Variants in CSMD1 observed in about 807,000 individuals in gnomAD.
The protein encoded by CSMD1 is CUB and sushi domain-containing protein 1.
A neutral mutation model predicts 417.5 loss-of-function variants in CSMD1; 213 were observed. The ratio of observed to expected loss-of-function variants is 0.51; its 90% CI spans 0.46 to 0.57. The LOEUF (loss-of-function observed/expected upper bound fraction) is 0.57, where lower values mean the gene tolerates loss of function less well. Among genes scored for constraint, CSMD1 ranks in the 20% least tolerant of loss-of-function variants. The pLI is 0.00. For missense variants in CSMD1, 6,923 were observed against 4,529.7 expected (o/e 1.53, Z -15.17); for synonymous variants, 2,862 against 1,736.8 (o/e 1.65, Z -16.11).
intron 7 of CSMD1, among the ~76,000 whole-genome samples, chr8:3,644,629 C>T (rs1481595174): frequency 6.6e-6 from 1 of 152,074 alleles, no homozygotes; most frequent in Non-Finnish European, 1.5e-5. Context: ...CTGTGCCAGA[C>T]CCCTATTACC....
chr8:4,112,384 A>G (rs190153866), intron 3 of CSMD1, among the ~76,000 whole-genome samples: 69 of 152,296 alleles, frequency 4.5e-4, no homozygotes, highest in African/African-American at 1.6e-3. Flanking sequence ...TCCAGGAAGA[A>G]AATGCCCTGA....
intron 20 of CSMD1, among the ~76,000 whole-genome samples, chr8:3,360,108 A>G (rs1451353468): frequency 1.3e-5 from 2 of 152,226 alleles, no homozygotes; most frequent in African/African-American, 2.4e-5. Flanking sequence ...TTTTGCCTCT[A>G]GAATATACCT....
chr8:4,028,564 G>A (rs778885593), intron 4 of CSMD1, among the ~76,000 whole-genome samples: 3 of 152,146 alleles, frequency 2.0e-5, no homozygotes, highest in Admixed American at 6.5e-5. Flanking sequence ...AAAGCATACT[G>A]AAGGAAATAA....
chr8:3,651,596 T>C (rs999124667), intron 7 of CSMD1, among the ~76,000 whole-genome samples: 16 of 152,120 alleles, frequency 1.1e-4, no homozygotes, highest in Non-Finnish European at 2.4e-4. Context: ...GAATAGCCCC[T>C]GCCCCCCTGC....
intron 2 of CSMD1, among the ~76,000 whole-genome samples, chr8:4,544,974 T>C (rs1410247113): frequency 2.0e-5 from 3 of 152,240 alleles, no homozygotes; most frequent in Non-Finnish European, 2.9e-5. Context: ...TTGTTGTCTA[T>C]AAGCATATTC....
intron 3 of CSMD1, among the ~76,000 whole-genome samples, chr8:4,143,536 T>C (rs1038068662): frequency 1.3e-5 from 2 of 151,038 alleles, no homozygotes; most frequent in Admixed American, 1.3e-4. Flanking sequence ...TTATATCAAA[T>C]CTATATTGTA....
chr8:4,174,391 C>A (rs1797926700), intron 3 of CSMD1, among the ~76,000 whole-genome samples: 1 of 151,938 alleles, frequency 6.6e-6, no homozygotes, highest in South Asian at 2.1e-4. Flanking sequence ...AGGCCTAATT[C>A]CTTTAAATTA....
At chr8:4,065,916 G>A (rs1178981679) in intron 3 of CSMD1, among the ~76,000 whole-genome samples, 3 of 152,138 alleles carry the variant, frequency 2.0e-5, no homozygotes, top group Admixed American at 6.5e-5. Flanking sequence ...AAGTGGCCCA[G>A]GGAAAAATGA....
At chr8:4,742,093 C>G (rs967812009) in intron 1 of CSMD1, among the ~76,000 whole-genome samples, 1 of 134,166 alleles carries the variant, frequency 7.5e-6, no homozygotes, top group Non-Finnish European at 1.5e-5. Flanking sequence ...TGCAGTGGCG[C>G]AATCTCGGCT....
At chr8:4,467,225 AG>A (rs1800234832) in intron 2 of CSMD1, among the ~76,000 whole-genome samples, 1 of 152,160 alleles carries the variant, frequency 6.6e-6, no homozygotes, top group Admixed American at 6.6e-5. Flanking sequence ...GTCTGCACAA[AG>A]CTCCCAGGGA....
chr8:3,681,316 A>C lies in CSMD1; in HGVS notation c.1009+27098T>G, dbSNP rs1339855484. On this transcript the variant is annotated intron_variant, in intron 7 of 69. Coordinates refer to ENST00000635120, the MANE Select transcript of CSMD1 (RefSeq NM_033225.6). ...CATCATCTCAGCACAAAATCTCCTT[A>C]AGCTGATAAGCAACTTCAGCAAAGT... Among the ~76,000 whole-genome samples the C allele has an allele frequency of 2.0e-5, 3 of 152,352 alleles. No individual in the cohort carries two copies. In the East Asian group the frequency reaches 5.8e-4, roughly 29 times the overall value.
chr8:4,788,892 G>T (rs1387185318), intron 1 of CSMD1, among the ~76,000 whole-genome samples: 10 of 152,216 alleles, frequency 6.6e-5, no homozygotes, highest in African/African-American at 2.4e-4. Context: ...CACATGCCCA[G>T]TGTTTTCAGG....
At position 3,811,018 on chromosome 8, in the gene CSMD1, G is replaced by C. The variant is rs2623739; in HGVS notation, c.819-56976C>G. 3.9e-3 allele frequency among the ~76,000 whole-genome samples: 599 copies of C among 152,266 alleles called. 3 individuals carry two copies. The highest frequency in any genetic ancestry group is 0.018 in the East Asian group (95 of 5,176). ...TGAATTAACACTGTTCCATCCGTTT[G>C]ATCACTCCGTCTTACTGGCAGGGGA... On this transcript the variant is annotated intron_variant, in intron 5 of 69. Coordinates refer to ENST00000635120, the MANE Select transcript of CSMD1 (RefSeq NM_033225.6).
At chr8:3,454,630 G>A (rs1585189386) in intron 12 of CSMD1, among the ~76,000 whole-genome samples, 2 of 152,328 alleles carry the variant, frequency 1.3e-5, no homozygotes, top group South Asian at 4.1e-4. Context: ...TAGGAATGTT[G>A]AATATTGGCC....
At chr8:4,826,513 T>C (rs995071640) in intron 1 of CSMD1, among the ~76,000 whole-genome samples, 2 of 152,176 alleles carry the variant, frequency 1.3e-5, no homozygotes, top group Non-Finnish European at 2.9e-5. Context: ...TACAAATTCA[T>C]GGGGTACATG....
chr8:4,680,975 TGAGA>T lies in CSMD1; in HGVS notation c.86-43421_86-43418del, dbSNP rs59872965. ...ATGTGTGTGTGTGTGTGTGTGTGTG[TGAGA>T]GAGAGAGAGAGAGAGAGAGAGAGAA... On this transcript the variant is annotated intron_variant, in intron 1 of 69. Transcript: ENST00000635120. Among the ~76,000 whole-genome samples, 379 of 136,760 alleles carry T rather than the reference TGAGA, an allele frequency of 2.8e-3. 1 individual carries two copies. Among genetic ancestry groups the T allele is most frequent in the African/African-American group, 9.2e-3 (333 of 36,028 alleles). 89.7% of individuals were successfully genotyped at this position (136,760 alleles called of 152,430 possible). A position where few individuals can be genotyped will look rare whatever the true frequency, so the allele number is the denominator to read the frequency against.
At chr8:3,989,163 G>T (rs184378353) in intron 5 of CSMD1, among the ~76,000 whole-genome samples, 1 of 152,160 alleles carries the variant, frequency 6.6e-6, no homozygotes, top group Non-Finnish European at 1.5e-5. Flanking sequence ...TTTTCCAAGC[G>T]TCTGCTCATT....
At chr8:3,262,219 A>ATATATC (rs1554490191) in intron 26 of CSMD1, among the ~76,000 whole-genome samples, 1 of 129,578 alleles carries the variant, frequency 7.7e-6, no homozygotes, top group African/African-American at 3.2e-5. Flanking sequence ...ATATATATAT[A>ATATATC]TATATATATA....
intron 3 of CSMD1, among the ~76,000 whole-genome samples, chr8:4,270,680 C>T (rs186046387): frequency 8.5e-5 from 13 of 152,276 alleles, no homozygotes; most frequent in Non-Finnish European, 1.9e-4. Context: ...CTCCTTTCTT[C>T]TACTAAAACC....
Sources: gnomAD v4.1 joint callset for allele counts (sites outside exome capture counted in the v4.1 genomes callset) on GRCh38, gnomAD v4.1.1 for gene constraint, MANE v1.5 for transcripts, NCBI Gene and HGNC (gene_info 2026-07-23, HGNC 2026-07-21) for gene names.